ZNF729: variants seen among roughly 807,000 people sequenced by gnomAD.
ZNF729 encodes zinc finger protein 729.
Under a neutral mutation model 12.2 loss-of-function variants are expected in ZNF729, and 15 were observed. That is an observed-to-expected ratio of 1.23 (90% confidence interval 0.82 to 1.89). The LOEUF (loss-of-function observed/expected upper bound fraction) is 1.89, where lower values mean the gene tolerates loss of function less well. Ranked by LOEUF, ZNF729 falls within the 40% of genes most tolerant of loss-of-function variation. ZNF729 has a pLI of 0.00. For missense variants in ZNF729, 1,540 were observed against 1,456.7 expected (o/e 1.06, Z -0.93); for synonymous variants, 492 against 476.3 (o/e 1.03, Z -0.43).
intron 3 of ZNF729, among the ~76,000 whole-genome samples, chr19:22,309,556 A>G (rs960188672): frequency 2.6e-5 from 4 of 152,100 alleles, no homozygotes; most frequent in Non-Finnish European, 4.4e-5. Flanking sequence ...ATTCTTTTCC[A>G]TTGGTTTATG....
chr19:22,317,147 A>G lies in ZNF729; in HGVS notation c.3730A>G (p.Lys1244Glu), dbSNP rs1968561208. The change falls in exon 4 of 4, where the codon AAA (lysine) becomes GAA (glutamate). Residue 1244 changes from lysine to glutamate, a missense_variant. Transcript: ENST00000601693. ...AATTCATACTGGAGAGAAACCCTAC[A>G]AATGTGAAGAATGTGCCAAAGCTTT... ...KTIHTGEKPYKCEECAKAF is the reference protein window; with the variant it reads ...KTIHTGEKPYECEECAKAF 3.1e-6 allele frequency: 5 copies of G among 1,599,654 alleles called. No homozygotes were observed. Among genetic ancestry groups the G allele is most frequent in the Non-Finnish European group, 4.3e-6 (5 of 1,173,704 alleles).
chr19:22,300,086 A>G (rs528694072), intron 1 of ZNF729, among the ~76,000 whole-genome samples: 26 of 152,334 alleles, frequency 1.7e-4, no homozygotes, highest in African/African-American at 6.3e-4. Context: ...ACTCTATTCA[A>G]CCATTTTTGT....
intron 1 of ZNF729, among the ~76,000 whole-genome samples, chr19:22,296,219 G>A (rs1177042281): frequency 3.3e-5 from 5 of 152,086 alleles, no homozygotes; most frequent in African/African-American, 7.2e-5. Flanking sequence ...TTCGTTTTAC[G>A]TCTGGTTGAA....
intron 2 of ZNF729, 37 bp from the exon 3 acceptor site, chr19:22,304,651 T>C: frequency 6.5e-7 from 1 of 1,546,678 alleles, no homozygotes; most frequent in Non-Finnish European, 8.8e-7. Flanking sequence ...TTGGGTAATA[T>C]GACCAATATT....
chr19:22,295,926 A>G (rs1290127536), intron 1 of ZNF729, among the ~76,000 whole-genome samples: 2 of 152,140 alleles, frequency 1.3e-5, no homozygotes, highest in Admixed American at 6.5e-5. Context: ...GATGAATAAC[A>G]TTTATTAATT....
intron 1 of ZNF729, among the ~76,000 whole-genome samples, chr19:22,295,038 T>TGTGTGTGTGTGTGTG (rs1568571621): frequency 6.9e-5 from 10 of 144,024 alleles, no homozygotes; most frequent in African/African-American, 2.1e-4. Flanking sequence ...TCCTAGATAT[T>TGTGTGTGTGTGTGTG]TGTGTGTGTG....
At chr19:22,305,916 G>T (rs1289979234) in intron 3 of ZNF729, among the ~76,000 whole-genome samples, 2 of 152,000 alleles carry the variant, frequency 1.3e-5, no homozygotes, top group African/African-American at 4.8e-5. Flanking sequence ...TAATCCTCTA[G>T]TTTCAACCTC....
chr19:22,294,842 A>G (rs1195479940), intron 1 of ZNF729, among the ~76,000 whole-genome samples: 1 of 151,362 alleles, frequency 6.6e-6, no homozygotes, highest in African/African-American at 2.4e-5. Flanking sequence ...TTTTTAGTAG[A>G]GATGGAGTTT....
Position 22,316,310 on chromosome 19 carries a change from A to C in ZNF729, c.2893A>C (p.Lys965Gln), listed in dbSNP as rs1428234946. 1 of 1,613,706 alleles carries C rather than the reference A, an allele frequency of 6.2e-7. No homozygotes were observed. Among genetic ancestry groups the C allele is most frequent in the Non-Finnish European group, 8.5e-7 (1 of 1,179,714 alleles). The change falls in exon 4 of 4, where the codon AAA (lysine) becomes CAA (glutamine). Residue 965 changes from lysine (K) to glutamine (Q), a missense_variant. Physicochemically the swap from Lys to Gln is moderately conservative, Grantham distance 53. Transcript: ENST00000601693. ...KIIHTGKKPYKCAECGKAFKQ... is the reference protein window; with the variant it reads ...KIIHTGKKPYQCAECGKAFKQ... The stretch of plus-strand genomic sequence containing the variant: ...AATTCATACTGGGAAGAAACCATAC[A>C]AATGTGCAGAATGTGGCAAAGCTTT...
chr19:22,305,501 CTGT>C (rs1365970028), intron 3 of ZNF729, among the ~76,000 whole-genome samples: 1 of 151,668 alleles, frequency 6.6e-6, no homozygotes, highest in Non-Finnish European at 1.5e-5. Context: ...TTTTGGAGCC[CTGT>C]TGTTATACCT....
At chr19:22,300,713 ACT>A (rs1968293883) in intron 1 of ZNF729, among the ~76,000 whole-genome samples, 2 of 152,174 alleles carry the variant, frequency 1.3e-5, no homozygotes, top group South Asian at 4.2e-4. Flanking sequence ...TTTTTCAGTG[ACT>A]CTTGTATCTT....
chr19:22,296,078 T>C lies in ZNF729; in HGVS notation c.31-7680T>C, dbSNP rs559681961. ...TCAATGTTTATCAGGAATATTGGCC[T>C]GAAGTTTTCTATTTTTTGTTTCATC... On this transcript the variant is annotated intron_variant, in intron 1 of 3. Transcript: ENST00000601693. Among the ~76,000 whole-genome samples, 4 of 152,296 alleles carry C rather than the reference T, an allele frequency of 2.6e-5. No individual in the cohort carries two copies. In the East Asian group the frequency reaches 7.7e-4, roughly 29 times the overall value.
intron 1 of ZNF729, among the ~76,000 whole-genome samples, chr19:22,292,467 C>A (rs1968168390): frequency 6.6e-6 from 1 of 152,058 alleles, no homozygotes; most frequent in South Asian, 2.1e-4. Flanking sequence ...GAGACTGGGT[C>A]TCACTCTGTC....
chr19:22,290,770 GAGAC>G (rs1362784818), intron 1 of ZNF729, among the ~76,000 whole-genome samples: 21 of 152,126 alleles, frequency 1.4e-4, no homozygotes, highest in Admixed American at 6.5e-4. Flanking sequence ...TGAGAAAAAA[GAGAC>G]AGTGTGCAGA....
In ZNF729 at chr19:22,314,961, C is replaced by T; in HGVS notation, c.1544C>T (p.Pro515Leu). The change falls in exon 4 of 4, where the codon CCC (proline) becomes CTC (leucine). Residue 515 changes from proline to leucine, a missense_variant. By Grantham distance (98) the Pro-to-Leu change is moderately conservative. Transcript: ENST00000601693. ...AAGATAATTCATACTGGAAAGAAAC[C>T]CTACAAATGTGAAGAATGTGGGAAA... ...RHKIIHTGKK[P>L]YKCEECGKAF... 6.2e-7 allele frequency: 1 copy of T among 1,611,634 alleles called. No homozygotes were observed. Among genetic ancestry groups the T allele is most frequent in the Non-Finnish European group, 8.5e-7 (1 of 1,179,576 alleles).
chr19:22,289,461 A>G (rs808370), intron 1 of ZNF729, among the ~76,000 whole-genome samples: 98,581 of 151,680 alleles, frequency 0.65, 32,758 homozygotes, highest in African/African-American at 0.77. Context: ...TCCTGACCTT[A>G]TGATCCACCC....
At chr19:22,294,662 T>C (rs1968202081) in intron 1 of ZNF729, among the ~76,000 whole-genome samples, 1 of 144,586 alleles carries the variant, frequency 6.9e-6, no homozygotes, top group Non-Finnish European at 1.5e-5. Context: ...TTTTTCTTTT[T>C]TTTTTTTTTT....
chr19:22,315,240 C>T lies in ZNF729; in HGVS notation c.1823C>T (p.Ala608Val), dbSNP rs1266439440. ...TACAAATGTGAAGAATGTGGCAAAG[C>T]TTTTAACAATTCCTCAATCCTTGCT... The part of the protein sequence containing the change: ...KLYKCEECGK[A>V]FNNSSILAKH... Residue 608 changes from alanine to valine, a missense_variant, in exon 4 of 4, where the codon GCT becomes GTT. By Grantham distance (64) the Ala-to-Val change is moderately conservative. Coordinates refer to ENST00000601693, the MANE Select transcript of ZNF729 (RefSeq NM_001242680.2). 3 of 1,612,274 alleles carry T rather than the reference C, an allele frequency of 1.9e-6. No individual in the cohort carries two copies. Among genetic ancestry groups the T allele is most frequent in the Non-Finnish European group, 2.5e-6 (3 of 1,179,380 alleles).
intron 3 of ZNF729, among the ~76,000 whole-genome samples, chr19:22,312,478 T>TGTGTGTGTGTGTGTGTGTGTG (rs1568576354): frequency 9.8e-6 from 1 of 102,392 alleles, no homozygotes; most frequent in Admixed American, 1.1e-4. Flanking sequence ...GTGTGTGTGT[T>TGTGTGTGTGTGTGTGTGTGTG]TAGATAAAGA....
Sources: allele counts gnomAD v4.1 joint callset (sites outside exome capture counted in the v4.1 genomes callset), GRCh38; gene constraint gnomAD v4.1.1; transcripts MANE v1.5; gene names NCBI Gene and HGNC (gene_info 2026-07-23, HGNC 2026-07-21).